THBS4: variants seen among roughly 807,000 people sequenced by gnomAD.
The protein encoded by THBS4 is thrombospondin-4.
A neutral mutation model predicts 115.7 loss-of-function variants in THBS4; 90 were observed. The ratio of observed to expected loss-of-function variants is 0.78; its 90% CI spans 0.66 to 0.93. THBS4 has a LOEUF of 0.93. Among genes scored for constraint, THBS4 ranks in the 40% least tolerant of loss-of-function variants. The probability of loss-of-function intolerance (pLI) is 0.00; values close to 1 mark genes in which losing one functional copy is unlikely to be tolerated. For missense variants in THBS4, 1,087 were observed against 1,232.7 expected (o/e 0.88, Z 1.77); for synonymous variants, 460 against 479.3 (o/e 0.96, Z 0.53).
rs1833407510 is a variant in THBS4 at position 80,055,842 on chromosome 5, T to G, written c.350T>G (p.Leu117Arg). 1.2e-6 allele frequency: 2 copies of G among 1,614,198 alleles called. No individual in the cohort carries two copies. Among genetic ancestry groups the G allele is most frequent in the African/African-American group, 1.3e-5 (1 of 75,048 alleles). The change falls in exon 3 of 22, where the codon CTG becomes CGG. Residue 117 changes from leucine to arginine, a missense_variant. By Grantham distance (102) the Leu-to-Arg change is moderately radical (BLOSUM62 -2). Coordinates refer to ENST00000350881, the MANE Select transcript of THBS4 (RefSeq NM_003248.6). ...GTGCATTTGGTGGTTTTCAACAACC[T>G]GCAGCTGGCAGACGGAAGGCGGCAC... Reference protein sequence around the residue: ...GKVHLVVFNNLQLADGRRHRI... With the variant: ...GKVHLVVFNNRQLADGRRHRI...
intron 4 of THBS4, 100 bp from the exon 5 acceptor site, chr5:80,058,608 C>A: frequency 1.9e-6 from 2 of 1,050,260 alleles, no homozygotes; most frequent in Non-Finnish European, 1.5e-6. Flanking sequence ...GTTTTTGAAT[C>A]ATCTTGTCAG....
At chr5:79,994,817 TA>T (rs1237499100) in intron 1 of THBS4, among the ~76,000 whole-genome samples, 3 of 152,314 alleles carry the variant, frequency 2.0e-5, no homozygotes, top group African/African-American at 7.2e-5. Context: ...AAGGCCCACA[TA>T]TTTGAACTAA....
upstream of THBS4, chr5:80,033,182 C>A: frequency 2.2e-6 from 1 of 447,962 alleles, no homozygotes; most frequent in South Asian, 1.8e-5. Context: ...TCTGTTTCCT[C>A]ATCATTCAGC....
At chr5:80,080,509 T>G (rs1743432539) in intron 20 of THBS4, among the ~76,000 whole-genome samples, 1 of 148,840 alleles carries the variant, frequency 6.7e-6, no homozygotes, top group Non-Finnish European at 1.5e-5. Flanking sequence ...TCACCCTGAC[T>G]GCAGCACTAT....
intron 1 of THBS4, among the ~76,000 whole-genome samples, chr5:79,995,681 G>A (rs1277326950): frequency 6.6e-6 from 1 of 152,166 alleles, no homozygotes; most frequent in East Asian, 1.9e-4. Flanking sequence ...GGGCTGGCAG[G>A]CATTGAAAAT....
At position 80,035,916 on chromosome 5, in the gene THBS4, T is replaced by C. The variant is rs1197661892; in HGVS notation, c.88+291T>C. 19 of 997,722 alleles carry C rather than the reference T, an allele frequency of 1.9e-5. No individual in the cohort carries two copies. Among genetic ancestry groups the C allele is most frequent in the Non-Finnish European group, 2.4e-5 (19 of 804,340 alleles). The allele number at this position is 997,722 out of a possible 1,614,324, so 61.8% of individuals were successfully genotyped here. A position where few individuals can be genotyped will look rare whatever the true frequency, so the allele number is the denominator to read the frequency against. On this transcript the variant is annotated intron_variant, in intron 1 of 21. Coordinates refer to ENST00000350881, the MANE Select transcript of THBS4 (RefSeq NM_003248.6). The surrounding 1 kb of genome is among the most constrained non-coding windows in gnomAD (Gnocchi z 4.6). ...GTTGCCTTCAAAACTTGCTACACGG[T>C]CCTAGACCTCTTAACATGTTAGGCT...
chr5:80,083,032 G>C, intron 21 of THBS4, 48 bp from the exon 22 acceptor site: 1 of 1,567,946 alleles, frequency 6.4e-7, no homozygotes, highest in Non-Finnish European at 8.8e-7. Context: ...TCCGGGGTCC[G>C]GGGTGGAAGG....
chr5:80,042,433 TA>T (rs1371963731), intron 2 of THBS4, among the ~76,000 whole-genome samples: 2 of 152,166 alleles, frequency 1.3e-5, no homozygotes, highest in Non-Finnish European at 2.9e-5. Flanking sequence ...CTCTGCAGAG[TA>T]AAAAACTGCT....
chr5:80,021,425 A>G (rs1832372070), intron 2 of THBS4, among the ~76,000 whole-genome samples: 1 of 152,136 alleles, frequency 6.6e-6, no homozygotes, highest in Non-Finnish European at 1.5e-5. Context: ...TATGTTAATA[A>G]GTGAAAAAAC....
chr5:79,996,011 C>T (rs796340331), intron 1 of THBS4, among the ~76,000 whole-genome samples: 22 of 151,794 alleles, frequency 1.4e-4, no homozygotes, highest in African/African-American at 5.3e-4. Context: ...GTGGCGCACA[C>T]CTGTAATCCC....
At chr5:80,018,728 C>A (rs1832302114) in intron 2 of THBS4, among the ~76,000 whole-genome samples, 2 of 151,938 alleles carry the variant, frequency 1.3e-5, no homozygotes, top group African/African-American at 4.8e-5. Context: ...TTTTTTATTT[C>A]TTGTCATTAT....
intron 9 of THBS4, among the ~76,000 whole-genome samples, chr5:80,066,094 CAA>C (rs34135437): frequency 7.2e-4 from 58 of 80,682 alleles, no homozygotes; most frequent in Non-Finnish European, 7.7e-4. Context: ...GACTCCCTCT[CAA>C]AAAAAAAAAA....
intron 2 of THBS4, among the ~76,000 whole-genome samples, chr5:80,046,888 A>G (rs747702369): frequency 6.6e-6 from 1 of 152,192 alleles, no homozygotes; most frequent in Non-Finnish European, 1.5e-5. Context: ...CAAAGCTAGA[A>G]AACAGTTGAA....
At chr5:80,013,873 A>C (rs1832195759) in intron 2 of THBS4, among the ~76,000 whole-genome samples, 1 of 152,248 alleles carries the variant, frequency 6.6e-6, no homozygotes, top group African/African-American at 2.4e-5. Context: ...GATAAATGAC[A>C]GTTCTAATAG....
At position 80,078,901 on chromosome 5, in the gene THBS4, T is replaced by C; in HGVS notation, c.2266-20T>C. 6.2e-7 allele frequency: 1 copy of C among 1,612,112 alleles called. No individual in the cohort carries two copies. Among genetic ancestry groups the C allele is most frequent in the Non-Finnish European group, 8.5e-7 (1 of 1,178,640 alleles). On this transcript the variant is annotated intron_variant, in intron 17 of 21. Transcript: ENST00000350881. ...TGGCCCCTTCAAGACTGTTCTGAAC[T>C]CCCTCAACTCTCTCTGCAGGGCATG...
intron 2 of THBS4, among the ~76,000 whole-genome samples, chr5:80,022,189 C>T (rs1387694074): frequency 1.3e-5 from 2 of 152,276 alleles, no homozygotes; most frequent in Admixed American, 6.5e-5. Context: ...CTTTGGCACT[C>T]GCTTTCCCTC....
chr5:80,022,685 G>A (rs745542426), intron 2 of THBS4, among the ~76,000 whole-genome samples: 3 of 152,128 alleles, frequency 2.0e-5, no homozygotes, highest in Non-Finnish European at 1.5e-5. Context: ...TCTACATTCT[G>A]TACAAAAAAA....
Position 80,018,633 on chromosome 5 carries a change from G to A in THBS4, n.177+20206G>A, listed in dbSNP as rs1481570603. Among the ~76,000 whole-genome samples the A allele has an allele frequency of 4.6e-5, 7 of 152,136 alleles. No homozygotes were observed. In the East Asian group the frequency reaches 7.7e-4, roughly 17 times the overall value. On this transcript the variant is annotated intron_variant and non_coding_transcript_variant, in intron 2 of 3. Coordinates refer to the THBS4 transcript ENST00000510218. ...TGTTCTCAAACTCCTGACTTTAGGTGATCTGCCCACCTCGGCCTTCCAAAG... is the reference window on the plus strand; with the variant it reads ...TGTTCTCAAACTCCTGACTTTAGGTAATCTGCCCACCTCGGCCTTCCAAAG...
intron 2 of THBS4, among the ~76,000 whole-genome samples, chr5:80,001,686 T>C (rs1831901003): frequency 6.6e-6 from 1 of 152,120 alleles, no homozygotes; most frequent in African/African-American, 2.4e-5. Flanking sequence ...AGAGCAATAG[T>C]ATATTGTGGT....
Sources: gnomAD v4.1 joint callset for allele counts (sites outside exome capture counted in the v4.1 genomes callset) on GRCh38, gnomAD v4.1.1 for gene constraint, Gnocchi (gnomAD v3.1) non-coding constraint, MANE v1.5 for transcripts, NCBI Gene and HGNC (gene_info 2026-07-23, HGNC 2026-07-21) for gene names.